Variants in EYA2 observed in about 807,000 individuals in gnomAD.
The protein encoded by EYA2 is EYA transcriptional coactivator and phosphatase 2, also known as protein phosphatase EYA2.
EYA2 carries 31 observed loss-of-function variants against 69.2 expected under a neutral mutation model. The observed-to-expected ratio is 0.45, with a 90% CI of 0.34 to 0.60. The LOEUF (loss-of-function observed/expected upper bound fraction) is 0.60. Among genes scored for constraint, EYA2 ranks in the 20% least tolerant of loss-of-function variants. The probability of loss-of-function intolerance (pLI) is 0.02; values close to 1 mark genes in which losing one functional copy is unlikely to be tolerated. For synonymous variants in EYA2, 257 were observed against 279.4 expected (o/e 0.92, Z 0.80); for missense variants, 622 against 701.2 (o/e 0.89, Z 1.28).
At chr20:47,016,364 T>C in intron 5 of EYA2, 67 bp downstream of exon 5, 1 of 1,199,690 alleles carries the variant, frequency 8.3e-7, no homozygotes. Flanking sequence ...TGTCCATTCA[T>C]TCATTCATTC....
At chr20:47,109,412 T>TATA (rs2032686176) in intron 9 of EYA2, among the ~76,000 whole-genome samples, 1 of 152,214 alleles carries the variant, frequency 6.6e-6, no homozygotes, top group Non-Finnish European at 1.5e-5. Flanking sequence ...CCCCTCCCTA[T>TATA]ATAGCTCAGT....
intron 4 of EYA2, among the ~76,000 whole-genome samples, chr20:47,006,033 T>C (rs898412476): frequency 3.3e-5 from 5 of 152,210 alleles, no homozygotes; most frequent in Non-Finnish European, 5.9e-5. Flanking sequence ...CAAGGTATAA[T>C]ATCAGGACTC....
chr20:47,007,810 G>A (rs545249406), intron 4 of EYA2, among the ~76,000 whole-genome samples: 1 of 151,730 alleles, frequency 6.6e-6, no homozygotes, highest in Non-Finnish European at 1.5e-5. Flanking sequence ...GTAGAGACGG[G>A]GGGTGGGGGG....
intron 9 of EYA2, among the ~76,000 whole-genome samples, chr20:47,098,479 T>A (rs1183489199): frequency 1.3e-5 from 2 of 152,252 alleles, no homozygotes; most frequent in African/African-American, 4.8e-5. Flanking sequence ...CATAGCTCCG[T>A]GCAACAACTC....
chr20:47,078,327 G>GCACACA (rs1249113834), intron 7 of EYA2, among the ~76,000 whole-genome samples: 3,605 of 77,992 alleles, frequency 0.046, 91 homozygotes, highest in African/African-American at 0.087. Flanking sequence ...GTGCGCGCGC[G>GCACACA]CGCGCACACA....
chr20:47,172,451 T>A (rs551717963), intron 11 of EYA2, among the ~76,000 whole-genome samples: 17 of 152,004 alleles, frequency 1.1e-4, no homozygotes, highest in South Asian at 8.3e-4. Flanking sequence ...CTCAAAAAAA[T>A]AAAAATTAAA....
At chr20:46,938,774 C>G (rs1337125887) in intron 1 of EYA2, among the ~76,000 whole-genome samples, 1 of 152,084 alleles carries the variant, frequency 6.6e-6, no homozygotes, top group Non-Finnish European at 1.5e-5. Flanking sequence ...CACAGACCAA[C>G]CCAGGTACTG....
At chr20:47,011,113 G>T (rs529655214) in intron 4 of EYA2, among the ~76,000 whole-genome samples, 8 of 152,240 alleles carry the variant, frequency 5.3e-5, no homozygotes, top group African/African-American at 1.9e-4. Context: ...AACATGAAAT[G>T]AATCATTATA....
At position 46,918,608 on chromosome 20, in the gene EYA2, A is replaced by G. The variant is rs1029011189; in HGVS notation, c.-11+23621A>G. On this transcript the variant is annotated intron_variant, in intron 1 of 15. Coordinates refer to ENST00000327619, the MANE Select transcript of EYA2 (RefSeq NM_005244.5). Reference sequence around the variant, plus strand: ...GACGTGAGCCACCAGCACCTGGCCTATTTCCACCACATCCGCAGTGACTTC... The same window carrying G: ...GACGTGAGCCACCAGCACCTGGCCTGTTTCCACCACATCCGCAGTGACTTC... Among the ~76,000 whole-genome samples the G allele has an allele frequency of 4.6e-5, 7 of 152,222 alleles. No individual in the cohort carries two copies. The South Asian group carries it at 1.0e-3, about 23-fold the overall frequency.
intron 5 of EYA2, among the ~76,000 whole-genome samples, chr20:47,045,876 G>A (rs920957918): frequency 1.3e-4 from 17 of 134,720 alleles, no homozygotes; most frequent in African/African-American, 4.1e-4. Flanking sequence ...ACAGTTGGGT[G>A]TTACAGAGGA....
intron 6 of EYA2, among the ~76,000 whole-genome samples, chr20:47,073,947 T>C (rs893885289): frequency 3.9e-5 from 6 of 152,044 alleles, no homozygotes; most frequent in Non-Finnish European, 7.4e-5. Context: ...ACTTCCCCGA[T>C]CCCCTGCTGG....
At chr20:47,087,835 C>G (rs2031944008) in intron 7 of EYA2, among the ~76,000 whole-genome samples, 1 of 152,258 alleles carries the variant, frequency 6.6e-6, no homozygotes, top group African/African-American at 2.4e-5. Context: ...AAGTCACCTC[C>G]TAACTGCCAG....
chr20:46,987,378 C>G (rs1050836096), intron 1 of EYA2, among the ~76,000 whole-genome samples: 1 of 152,176 alleles, frequency 6.6e-6, no homozygotes, highest in African/African-American at 2.4e-5. Context: ...TTGGGTCACA[C>G]AAAAACAGCT....
intron 9 of EYA2, among the ~76,000 whole-genome samples, chr20:47,114,263 G>A (rs2032832399): frequency 6.6e-6 from 1 of 152,204 alleles, no homozygotes; most frequent in African/African-American, 2.4e-5. Flanking sequence ...TTCACACAGG[G>A]TTTTCTGTCC....
intron 2 of EYA2, among the ~76,000 whole-genome samples, chr20:46,990,731 G>GCT: frequency 6.6e-6 from 1 of 152,350 alleles, no homozygotes; most frequent in Admixed American, 6.5e-5. Flanking sequence ...AAGGCATTAA[G>GCT]CTATTATGTT....
intron 7 of EYA2, among the ~76,000 whole-genome samples, chr20:47,079,207 G>GT (rs1250714038): frequency 6.6e-6 from 1 of 152,180 alleles, no homozygotes; most frequent in African/African-American, 2.4e-5. Context: ...AATCAGAAAT[G>GT]TTTGGAGACT....
At chr20:47,045,358 G>T (rs547271558) in intron 5 of EYA2, among the ~76,000 whole-genome samples, 1 of 152,296 alleles carries the variant, frequency 6.6e-6, no homozygotes, top group South Asian at 2.1e-4. Context: ...GGTGGAAACT[G>T]CCAGCTATTT....
At chr20:46,957,689 C>T (rs1437833553) in intron 1 of EYA2, among the ~76,000 whole-genome samples, 1 of 152,146 alleles carries the variant, frequency 6.6e-6, no homozygotes, top group Non-Finnish European at 1.5e-5. Context: ...GAAATGGATT[C>T]TCACCTGGAG....
intron 1 of EYA2, among the ~76,000 whole-genome samples, chr20:46,913,551 G>A (rs1258880314): frequency 6.7e-6 from 1 of 150,224 alleles, no homozygotes; most frequent in Non-Finnish European, 1.5e-5. Flanking sequence ...AGGGGTCAGA[G>A]GGTGGGGCAG....
Sources: gnomAD v4.1 joint callset for allele counts (sites outside exome capture counted in the v4.1 genomes callset) on GRCh38, gnomAD v4.1.1 for gene constraint, MANE v1.5 for transcripts, NCBI Gene and HGNC (gene_info 2026-07-23, HGNC 2026-07-21) for gene names.